CST8: variants seen among roughly 807,000 people sequenced by gnomAD.
The protein encoded by CST8 is cystatin 8, also known as cystatin-8.
CST8 carries 20 observed loss-of-function variants against 11.8 expected under a neutral mutation model. That is an observed-to-expected ratio of 1.70 (90% CI 1.20 to 2.47). The LOEUF (loss-of-function observed/expected upper bound fraction) is 2.47, where lower values mean the gene tolerates loss of function less well. Ranked by LOEUF, CST8 falls within the 30% of genes most tolerant of loss-of-function variation. The probability of loss-of-function intolerance (pLI) is 0.00; values close to 1 mark genes in which losing one functional copy is unlikely to be tolerated. For synonymous variants in CST8, 77 were observed against 63.1 expected (o/e 1.22, Z -1.05); for missense variants, 196 against 167.2 (o/e 1.17, Z -0.95).
the CST8 span, among the ~76,000 whole-genome samples, chr20:23,506,518 AAG>A: frequency 6.6e-6 from 1 of 152,204 alleles, no homozygotes; most frequent in Non-Finnish European, 1.5e-5. Context: ...TCTGAATTTC[AAG>A]ACACCTCCTC....
At chr20:23,498,188 A>G (rs1270537705), downstream of CST8, among the ~76,000 whole-genome samples, 1 of 152,200 alleles carries the variant, frequency 6.6e-6, no homozygotes, top group African/African-American at 2.4e-5. Flanking sequence ...GTTTCTGCAA[A>G]ATGAAAAGCT....
intron 2 of CST8, among the ~76,000 whole-genome samples, chr20:23,492,602 G>A (rs1987922166): frequency 6.6e-6 from 1 of 152,232 alleles, no homozygotes; most frequent in African/African-American, 2.4e-5. Flanking sequence ...AGGCCCAGGA[G>A]AGCTGATGGT....
chr20:23,503,090 G>C, the CST8 span, among the ~76,000 whole-genome samples: 2 of 151,912 alleles, frequency 1.3e-5, 1 homozygote. Context: ...TTGATACGTT[G>C]AAAAAAATAC....
the CST8 span, among the ~76,000 whole-genome samples, chr20:23,502,940 G>C: frequency 3.9e-5 from 6 of 152,008 alleles, no homozygotes; most frequent in South Asian, 2.1e-4. Flanking sequence ...CTAGGGGTTG[G>C]CTCCTACTAA....
Position 23,491,821 on chromosome 20 carries a change from G to C in CST8, c.154G>C (p.Ala52Pro), listed in dbSNP as rs371057321. 7.4e-6 allele frequency: 12 copies of C among 1,614,052 alleles called. No homozygotes were observed. The highest frequency in any genetic ancestry group is 1.0e-5 in the Non-Finnish European group (12 of 1,180,032). ...NANVKQCLWF[A>P]MQEYNKESED... ...CAACGTGAAGCAGTGTCTGTGGTTTGCCATGCAAGAATACAACAAAGAGAG... is the reference window on the plus strand; with the variant it reads ...CAACGTGAAGCAGTGTCTGTGGTTTCCCATGCAAGAATACAACAAAGAGAG... The change falls in exon 2 of 4, where the codon GCC (alanine) becomes CCC (proline). Residue 52 changes from alanine (A) to proline (P), a missense_variant. Physicochemically the swap from Ala to Pro is conservative, Grantham distance 27. Coordinates refer to ENST00000246012, the MANE Select transcript of CST8 (RefSeq NM_005492.4).
the CST8 span, among the ~76,000 whole-genome samples, chr20:23,504,534 A>G: frequency 6.6e-6 from 1 of 152,192 alleles, no homozygotes; most frequent in Non-Finnish European, 1.5e-5. Context: ...GCCAAAGAGG[A>G]CCAGAGAAAT....
At chr20:23,492,883 TA>T in intron 2 of CST8, 74 bp from the exon 3 acceptor site, 2 of 868,624 alleles carry the variant, frequency 2.3e-6, no homozygotes, top group Non-Finnish European at 3.9e-6. Flanking sequence ...AGAGTAAGAG[TA>T]ATTTTTTTTT....
Position 23,491,551 on chromosome 20 carries a change from G to T in CST8, c.-117G>T. ...TGGGCTGACGCTAACAGGAGGCAGT[G>T]TGTGGCTCGAAGATTCTTGAACCCA... On this transcript the variant is annotated 5_prime_UTR_variant, in exon 2 of 4. Coordinates refer to ENST00000246012, the MANE Select transcript of CST8 (RefSeq NM_005492.4). The T allele has an allele frequency of 2.6e-6, 2 of 764,350 alleles. No homozygotes were observed. Among genetic ancestry groups the T allele is most frequent in the Non-Finnish European group, 4.5e-6 (2 of 446,420 alleles). The allele number at this position is 764,350 out of a possible 1,614,324, so 47.3% of individuals were successfully genotyped here.
Position 23,493,042 on chromosome 20 carries a change from G to A in CST8, c.316G>A (p.Ala106Thr), listed in dbSNP as rs374838890. Residue 106 changes from alanine to threonine, a missense_variant, in exon 3 of 4, where the codon GCC becomes ACC. Ala to Thr is a moderately conservative substitution (Grantham distance 58). Coordinates refer to ENST00000246012, the MANE Select transcript of CST8 (RefSeq NM_005492.4). ...GCCTTTAAGCACTAATGAAATCTGC[G>A]CCATTCAAGAAAACTCCAAGCTGAA... Reference protein sequence around the residue: ...RKPLSTNEICAIQENSKLKRK... With the variant: ...RKPLSTNEICTIQENSKLKRK... 1.1e-4 allele frequency: 178 copies of A among 1,611,780 alleles called. 1 individual carries two copies. In the Middle Eastern group the frequency reaches 1.8e-3, roughly 16 times the overall value.
In CST8 at chr20:23,495,843, A is replaced by T; in HGVS notation, c.358A>T (p.Ser120Cys). 6.2e-7 allele frequency: 1 copy of T among 1,603,464 alleles called. No homozygotes were observed. Among genetic ancestry groups the T allele is most frequent in the Non-Finnish European group, 8.5e-7 (1 of 1,177,004 alleles). Residue 120 changes from serine (S) to cysteine (C), a missense_variant, in exon 4 of 4, where the codon AGC (serine) becomes TGC (cysteine). Coordinates refer to ENST00000246012, the MANE Select transcript of CST8 (RefSeq NM_005492.4). Reference protein sequence around the residue: ...NSKLKRKLSCSFLVGALPWNG... With the variant: ...NSKLKRKLSCCFLVGALPWNG... The stretch of plus-strand genomic sequence containing the variant: ...TCATCTTTTTCAGAAATTAAGCTGC[A>T]GCTTTTTGGTAGGAGCACTTCCCTG...
chr20:23,502,878 A>G, the CST8 span, among the ~76,000 whole-genome samples: 1 of 152,236 alleles, frequency 6.6e-6, no homozygotes, highest in Non-Finnish European at 1.5e-5. Flanking sequence ...GACCCTAGAA[A>G]ACAGTTAGGT....
chr20:23,494,461 T>C lies in CST8; in HGVS notation c.346-1370T>C, dbSNP rs137940530. Among the ~76,000 whole-genome samples, 1,006 of 152,358 alleles carry C rather than the reference T, an allele frequency of 6.6e-3. 16 individuals carry two copies. Among genetic ancestry groups the C allele is most frequent in the African/African-American group, 0.021 (886 of 41,598 alleles). On this transcript the variant is annotated intron_variant, in intron 3 of 3. Coordinates refer to ENST00000246012, the MANE Select transcript of CST8 (RefSeq NM_005492.4). Reference sequence around the variant, plus strand: ...TTGGTTTCCCAAATTTGATGTAATTTGCCTGTAAAGTCATCTTGATCCAGT... The same window carrying C: ...TTGGTTTCCCAAATTTGATGTAATTCGCCTGTAAAGTCATCTTGATCCAGT...
At chr20:23,498,876 A>G (rs1462311957), downstream of CST8, among the ~76,000 whole-genome samples, 5 of 152,234 alleles carry the variant, frequency 3.3e-5, no homozygotes, top group Non-Finnish European at 7.3e-5. Context: ...CCCCAGACAC[A>G]GGAAGTCATG....
the CST8 span, among the ~76,000 whole-genome samples, chr20:23,506,505 T>C: frequency 1.2e-4 from 18 of 152,310 alleles, no homozygotes; most frequent in South Asian, 2.9e-3. Flanking sequence ...CTATACCCCA[T>C]GTTCTGAATT....
Position 23,491,845 on chromosome 20 carries a change from A to G in CST8, c.178A>G (p.Ser60Gly), listed in dbSNP as rs373570119. 98 of 1,614,102 alleles carry G rather than the reference A, an allele frequency of 6.1e-5. 1 individual carries two copies. Among genetic ancestry groups the G allele is most frequent in the Admixed American group, 5.7e-4 (34 of 60,004 alleles). The change falls in exon 2 of 4, where the codon AGC (serine) becomes GGC (glycine). Residue 60 changes from serine (S) to glycine (G), a missense_variant. Ser to Gly is a moderately conservative substitution (Grantham distance 56, BLOSUM62 0). Transcript: ENST00000246012. ...TGCCATGCAAGAATACAACAAAGAG[A>G]GCGAGGACAAGTATGTCTTCCTGGT... ...WFAMQEYNKE[S>G]EDKYVFLVVK...
Position 23,491,634 on chromosome 20 carries a change from A to C in CST8, c.-34A>C. 2.0e-6 allele frequency: 3 copies of C among 1,535,880 alleles called. No homozygotes were observed. The highest frequency in any genetic ancestry group is 1.7e-5 in the Admixed American group (1 of 59,738). ...CAGCTCCAGCCCTGAGACGACGAGG[A>C]GGAGAGTCGACTTTGCCTCTTGCCC... is the stretch of plus-strand genomic sequence containing the variant. On this transcript the variant is annotated 5_prime_UTR_variant, in exon 2 of 4. Coordinates refer to ENST00000246012, the MANE Select transcript of CST8 (RefSeq NM_005492.4).
rs1987935046 is a variant in CST8 at position 23,492,983 on chromosome 20, T to C, written c.257T>C (p.Ile86Thr). The C allele has an allele frequency of 1.2e-6, 2 of 1,607,708 alleles. No homozygotes were observed. Among genetic ancestry groups the C allele is most frequent in the African/African-American group, 1.3e-5 (1 of 74,888 alleles). Residue 86 changes from isoleucine to threonine, a missense_variant, in exon 3 of 4, where the codon ATT becomes ACT. Coordinates refer to ENST00000246012, the MANE Select transcript of CST8 (RefSeq NM_005492.4). ...GTCACAAATCTTCTGGAATACCTTA[T>C]TGATGTAGAAATTGCCCGCAGCGAT... ...LQVTNLLEYL[I>T]DVEIARSDCR...
downstream of CST8, among the ~76,000 whole-genome samples, chr20:23,497,850 A>G (rs1364162724): frequency 1.3e-5 from 2 of 152,206 alleles, no homozygotes; most frequent in Non-Finnish European, 2.9e-5. Context: ...GATTATTACA[A>G]TTCAAAGTGA....
At chr20:23,506,071 G>GT in the CST8 span, among the ~76,000 whole-genome samples, 1 of 151,006 alleles carries the variant, frequency 6.6e-6, no homozygotes, top group Admixed American at 6.6e-5. Flanking sequence ...AGTTGTTGCT[G>GT]TAAGTAGAAA....
Sources: allele counts gnomAD v4.1 joint callset (sites outside exome capture counted in the v4.1 genomes callset), GRCh38; gene constraint gnomAD v4.1.1; transcripts MANE v1.5; gene names NCBI Gene and HGNC (gene_info 2026-07-23, HGNC 2026-07-21).